Variants in CACNA2D1 observed in about 807,000 individuals in gnomAD.
CACNA2D1 encodes voltage-dependent calcium channel subunit alpha-2/delta-1.
Under a neutral mutation model 171.5 loss-of-function variants are expected in CACNA2D1, and 53 were observed. The ratio of observed to expected loss-of-function variants is 0.31; its 90% CI spans 0.25 to 0.39. The LOEUF is 0.39. Ranked by LOEUF, CACNA2D1 falls within the 10% of genes least tolerant of loss-of-function variation. CACNA2D1 has a pLI of 1.00. For missense variants in CACNA2D1, 903 were observed against 1,299.8 expected, an observed-to-expected ratio of 0.69 and a Z score of 4.69; for synonymous variants, 442 against 443.1, an observed-to-expected ratio of 1.00 and a Z score of 0.03.
chr7:82,210,930 T>C (rs941274906), intron 3 of CACNA2D1, among the ~76,000 whole-genome samples: 2 of 152,202 alleles, frequency 1.3e-5, no homozygotes, highest in Non-Finnish European at 2.9e-5. Context: ...AGTAATAATA[T>C]ATGCAGTAGA....
chr7:82,319,579 AACC>A (rs1815557318), intron 3 of CACNA2D1, among the ~76,000 whole-genome samples: 2 of 152,330 alleles, frequency 1.3e-5, no homozygotes, highest in South Asian at 4.1e-4. Context: ...TTTGTTTAAG[AACC>A]ACATTATGTT....
chr7:81,982,453 T>G, intron 24 of CACNA2D1, 114 bp downstream of exon 24: 1 of 722,920 alleles, frequency 1.4e-6, no homozygotes, highest in Non-Finnish European at 2.5e-6. Flanking sequence ...ATTATTTCCT[T>G]TGATTCCATA....
At chr7:82,112,475 G>T (rs1407367542) in intron 6 of CACNA2D1, among the ~76,000 whole-genome samples, 1 of 152,142 alleles carries the variant, frequency 6.6e-6, no homozygotes, top group African/African-American at 2.4e-5. Context: ...AAAATATGCA[G>T]ATACAGACTT....
chr7:82,100,722 T>C (rs1340320999), intron 6 of CACNA2D1, among the ~76,000 whole-genome samples: 3 of 152,122 alleles, frequency 2.0e-5, no homozygotes, highest in Non-Finnish European at 4.4e-5. Flanking sequence ...AAAACAGAGA[T>C]TTAGTAGAAG....
At chr7:82,016,601 T>A (rs1800486247) in intron 12 of CACNA2D1, among the ~76,000 whole-genome samples, 1 of 30,614 alleles carries the variant, frequency 3.3e-5, no homozygotes, top group Non-Finnish European at 5.6e-5. Flanking sequence ...AAATAAACAC[T>A]AGCCGCCCGC....
At chr7:82,005,301 C>T in intron 18 of CACNA2D1, 122 bp downstream of exon 18, 1 of 708,634 alleles carries the variant, frequency 1.4e-6, no homozygotes, top group Non-Finnish European at 2.6e-6. Context: ...AAGAGAGACG[C>T]ATTAGAGACT....
At chr7:82,423,126 G>A (rs767002516) in intron 1 of CACNA2D1, among the ~76,000 whole-genome samples, 7 of 151,894 alleles carry the variant, frequency 4.6e-5, no homozygotes, top group Non-Finnish European at 7.4e-5. Context: ...TTGTACTTTC[G>A]CAGACACTCT....
intron 3 of CACNA2D1, among the ~76,000 whole-genome samples, chr7:82,309,629 G>C (rs928107446): frequency 1.3e-5 from 2 of 152,098 alleles, no homozygotes; most frequent in African/African-American, 4.8e-5. Context: ...CCAAATCCCT[G>C]TAAATATCTT....
At chr7:82,426,174 A>C (rs1022046379) in intron 1 of CACNA2D1, among the ~76,000 whole-genome samples, 127 of 112,018 alleles carry the variant, frequency 1.1e-3, no homozygotes, top group South Asian at 7.2e-3. Flanking sequence ...TAAATAAATA[A>C]ATAAATACAT....
intron 1 of CACNA2D1, among the ~76,000 whole-genome samples, chr7:82,400,087 C>T (rs912687298): frequency 6.6e-6 from 1 of 150,824 alleles, no homozygotes; most frequent in South Asian, 2.1e-4. Context: ...CAGTACCATG[C>T]TGTTTTGGTT....
chr7:82,050,552 C>T, intron 10 of CACNA2D1: 2 of 702,440 alleles, frequency 2.8e-6, no homozygotes, highest in Non-Finnish European at 5.2e-6. Flanking sequence ...ACTCATCCTC[C>T]CCTCCAGAGA....
At chr7:82,038,728 G>A (rs1445837577) in intron 10 of CACNA2D1, among the ~76,000 whole-genome samples, 4 of 152,152 alleles carry the variant, frequency 2.6e-5, no homozygotes, top group African/African-American at 9.7e-5. Flanking sequence ...TCTTTCTACA[G>A]AGGCTAACAG....
At chr7:82,031,840 CA>C (rs969363093) in intron 12 of CACNA2D1, among the ~76,000 whole-genome samples, 30 of 152,064 alleles carry the variant, frequency 2.0e-4, no homozygotes, top group Non-Finnish European at 3.7e-4. Flanking sequence ...GCAATAACCA[CA>C]CCTTTCAAAA....
At chr7:82,064,065 C>T (rs1008456309) in intron 9 of CACNA2D1, among the ~76,000 whole-genome samples, 5 of 151,844 alleles carry the variant, frequency 3.3e-5, no homozygotes, top group Non-Finnish European at 5.9e-5. Flanking sequence ...TCATATTTAA[C>T]ATTATATGAT....
chr7:82,165,561 GTGT>G (rs1795366662), intron 4 of CACNA2D1, among the ~76,000 whole-genome samples: 1 of 151,856 alleles, frequency 6.6e-6, no homozygotes, highest in Non-Finnish European at 1.5e-5. Flanking sequence ...TTTTATGCTG[GTGT>G]TGTAATACTC....
chr7:82,083,206 T>C (rs1283498167), intron 7 of CACNA2D1, among the ~76,000 whole-genome samples: 4 of 152,074 alleles, frequency 2.6e-5, no homozygotes. Context: ...AAAGGATATA[T>C]GAAAAGACTT....
rs184984232 is a variant in CACNA2D1 at position 82,249,353 on chromosome 7, T to G, written c.295-78744A>C. ...TACATGGACTTGTAGAAAAAAAGAC[T>G]TAGGATAAAATAAAAAGCACACAAT... On this transcript the variant is annotated intron_variant, in intron 3 of 38. Coordinates refer to ENST00000356860, the MANE Select transcript of CACNA2D1 (RefSeq NM_000722.4). 3.2e-3 allele frequency among the ~76,000 whole-genome samples: 486 copies of G among 152,178 alleles called. 2 individuals carry two copies. The highest frequency in any genetic ancestry group is 0.011 in the African/African-American group (456 of 41,514).
chr7:82,300,664 G>T (rs572099745), intron 3 of CACNA2D1, among the ~76,000 whole-genome samples: 1 of 152,088 alleles, frequency 6.6e-6, no homozygotes, highest in East Asian at 1.9e-4. Context: ...GTCAACCAAA[G>T]GAAGAAGGCT....
At chr7:82,378,524 A>G (rs901114364) in intron 1 of CACNA2D1, among the ~76,000 whole-genome samples, 1 of 152,176 alleles carries the variant, frequency 6.6e-6, no homozygotes, top group Non-Finnish European at 1.5e-5. Context: ...ATATTTTGTT[A>G]TTGTTTTTTA....
Sources: allele counts gnomAD v4.1 joint callset (sites outside exome capture counted in the v4.1 genomes callset), GRCh38; gene constraint gnomAD v4.1.1; transcripts MANE v1.5; gene names NCBI Gene and HGNC (gene_info 2026-07-23, HGNC 2026-07-21).